The following MRTFB variants were observed in gnomAD, a reference collection of about 807,000 sequenced individuals.
The protein encoded by MRTFB is myocardin-related transcription factor B.
MRTFB carries 29 observed loss-of-function variants against 104.2 expected under a neutral mutation model. That is an observed-to-expected ratio of 0.28 (90% CI 0.21 to 0.38). The LOEUF is 0.38. Among genes scored for constraint, MRTFB ranks in the 10% least tolerant of loss-of-function variants. MRTFB has a pLI of 1.00. For missense variants in MRTFB, 1,270 were observed against 1,341.6 expected (o/e 0.95, Z 0.83); for synonymous variants, 535 against 519.5 (o/e 1.03, Z -0.41).
rs1304755439 is a variant in MRTFB at position 14,127,925 on chromosome 16, ATATATTTTTTTTTTTTTTTT to A, written c.-63-12617_-63-12598del. ...AATATATATATATATATATATATAT[ATATATTTTTTTTTTTTTTTT>A]TTTTTTCTTTTTTTCCCCTTTTCTA... On this transcript the variant is annotated intron_variant, in intron 2 of 16. Coordinates refer to ENST00000571589, the MANE Select transcript of MRTFB (RefSeq NM_001308142.2). 2.1e-4 allele frequency among the ~76,000 whole-genome samples: 8 copies of A among 38,434 alleles called. No homozygotes were observed. In the African/African-American group the frequency reaches 2.6e-3, roughly 12 times the overall value. The allele number at this position is 38,434 out of a possible 152,430, so 25.2% of individuals were successfully genotyped here.
At chr16:14,131,347 G>A (rs1013316351) in intron 2 of MRTFB, among the ~76,000 whole-genome samples, 5 of 152,152 alleles carry the variant, frequency 3.3e-5, no homozygotes, top group Admixed American at 6.5e-5. Context: ...TTAGGATAGC[G>A]TGACCAGAAT....
intron 3 of MRTFB, chr16:14,200,218 TG>T: frequency 8.2e-7 from 1 of 1,215,722 alleles, no homozygotes. Context: ...GCAAAAAACC[TG>T]GTAGCTTAAG....
At chr16:14,122,244 T>A (rs549293035) in intron 2 of MRTFB, among the ~76,000 whole-genome samples, 1 of 152,278 alleles carries the variant, frequency 6.6e-6, no homozygotes, top group South Asian at 2.1e-4. Context: ...ATCTGTTTTT[T>A]TTTTTTCAAT....
At chr16:14,081,859 G>C (rs1001342745) in intron 2 of MRTFB, among the ~76,000 whole-genome samples, 8 of 152,178 alleles carry the variant, frequency 5.3e-5, no homozygotes, top group Admixed American at 4.6e-4. Context: ...GGGATTATAG[G>C]TGTGAGCCAC....
chr16:14,202,119 CAA>C lies in MRTFB; in HGVS notation c.155-8111_155-8110del, dbSNP rs57738397. Among the ~76,000 whole-genome samples the C allele has an allele frequency of 6.0e-3, 633 of 105,020 alleles. 1 individual carries two copies. The highest frequency in any genetic ancestry group is 0.018 in the African/African-American group (559 of 31,356). The allele number at this position is 105,020 out of a possible 152,430, so 68.9% of individuals were successfully genotyped here. A position where few individuals can be genotyped will look rare whatever the true frequency, so the allele number is the denominator to read the frequency against. ...GTATAAAATTCTACTGTTTACAAGG[CAA>C]AAAAAAAAAAAAGAGCTAGATTCCT... On this transcript the variant is annotated intron_variant, in intron 3 of 16. Transcript: ENST00000571589.
chr16:14,115,274 GA>G (rs753551132), intron 2 of MRTFB, among the ~76,000 whole-genome samples: 3 of 152,266 alleles, frequency 2.0e-5, no homozygotes, highest in Non-Finnish European at 2.9e-5. Flanking sequence ...TAAATAAGTA[GA>G]TTTTTGTGAA....
At chr16:14,135,313 A>G (rs1020061712) in intron 2 of MRTFB, among the ~76,000 whole-genome samples, 1 of 152,238 alleles carries the variant, frequency 6.6e-6, no homozygotes, top group Non-Finnish European at 1.5e-5. Flanking sequence ...TAGTACAATC[A>G]TGCACCACAT....
At chr16:14,199,151 T>A (rs2040570746) in intron 3 of MRTFB, among the ~76,000 whole-genome samples, 2 of 152,184 alleles carry the variant, frequency 1.3e-5, no homozygotes, top group Non-Finnish European at 2.9e-5. Flanking sequence ...CTCCAGGGAT[T>A]AAAACAGCAG....
rs565768163 is a variant in MRTFB at position 14,135,790 on chromosome 16, C to T, written c.-63-4754C>T. Among the ~76,000 whole-genome samples, 10 of 152,288 alleles carry T rather than the reference C, an allele frequency of 6.6e-5. No individual in the cohort carries two copies. The South Asian group carries it at 2.1e-3, about 32-fold the overall frequency. On this transcript the variant is annotated intron_variant, in intron 2 of 16. Transcript: ENST00000571589. The stretch of plus-strand genomic sequence containing the variant: ...TACAGTTGTGCTTTACTGCACCAGC[C>T]TTATCTTCTACCACTCTGTGTCATG...
chr16:14,191,838 A>G (rs1161119299), intron 3 of MRTFB: 1 of 152,136 alleles, frequency 6.6e-6, no homozygotes, highest in Non-Finnish European at 1.5e-5. Flanking sequence ...TCAAATTGTT[A>G]TTTATTGTTT....
At chr16:14,217,417 G>A (rs2041475538) in intron 7 of MRTFB, 130 bp downstream of exon 7, 1 of 731,388 alleles carries the variant, frequency 1.4e-6, no homozygotes, top group Admixed American at 2.8e-5. Context: ...AATTAACACA[G>A]TGATTTGTGT....
intron 2 of MRTFB, among the ~76,000 whole-genome samples, chr16:14,114,023 G>T (rs139110689): frequency 6.5e-4 from 99 of 152,274 alleles, no homozygotes; most frequent in Non-Finnish European, 1.3e-3. Context: ...AAAAATAGTT[G>T]CTATGGATTG....
the MRTFB span, among the ~76,000 whole-genome samples, chr16:13,998,271 C>T: frequency 1.7e-4 from 26 of 152,218 alleles, no homozygotes; most frequent in East Asian, 9.7e-4. Context: ...TGATCTACCT[C>T]GGGGTAGATC....
chr16:14,139,709 A>T (rs939851398), intron 2 of MRTFB, among the ~76,000 whole-genome samples: 1 of 152,238 alleles, frequency 6.6e-6, no homozygotes, highest in African/African-American at 2.4e-5. Context: ...CTTATTTGTA[A>T]TAGTCAAAAA....
chr16:14,047,293 G>T, the MRTFB span, among the ~76,000 whole-genome samples: 1 of 152,124 alleles, frequency 6.6e-6, no homozygotes, highest in Non-Finnish European at 1.5e-5. Flanking sequence ...TCATGTGTGT[G>T]GTCTTTCCCT....
At chr16:14,065,806 A>C in the MRTFB span, among the ~76,000 whole-genome samples, 1 of 152,060 alleles carries the variant, frequency 6.6e-6, no homozygotes, top group Admixed American at 6.6e-5. Flanking sequence ...CCCAGCCACT[A>C]ACACTTAGCA....
At chr16:14,229,680 A>G (rs2042170691) in intron 8 of MRTFB, among the ~76,000 whole-genome samples, 1 of 152,170 alleles carries the variant, frequency 6.6e-6, no homozygotes, top group African/African-American at 2.4e-5. Context: ...TTTATATTGT[A>G]GCAAAGCTTT....
chr16:14,202,288 T>C (rs1386867160), intron 3 of MRTFB, among the ~76,000 whole-genome samples: 2 of 152,208 alleles, frequency 1.3e-5, no homozygotes, highest in Non-Finnish European at 2.9e-5. Flanking sequence ...AGTGGTTACC[T>C]CTGGGGAGAA....
intron 2 of MRTFB, among the ~76,000 whole-genome samples, chr16:14,095,770 C>T (rs571701679): frequency 3.3e-5 from 5 of 151,812 alleles, no homozygotes; most frequent in African/African-American, 1.2e-4. Context: ...ATCTGAAAAA[C>T]AAAAAAGAGA....
Sources: gnomAD v4.1 joint callset for allele counts (sites outside exome capture counted in the v4.1 genomes callset) on GRCh38, gnomAD v4.1.1 for gene constraint, MANE v1.5 for transcripts, NCBI Gene and HGNC (gene_info 2026-07-23, HGNC 2026-07-21) for gene names.